Variants in SNED1 observed in about 807,000 individuals in gnomAD.
SNED1 encodes the protein sushi, nidogen and EGF like domains 1.
SNED1 carries 81 observed loss-of-function variants against 166.7 expected under a neutral mutation model. That is an observed-to-expected ratio of 0.49 (90% CI 0.41 to 0.58). The LOEUF is 0.58. SNED1 is among the 20% of genes least tolerant of loss of function. SNED1 has a pLI of 0.00. For missense variants in SNED1, 1,604 were observed against 2,000.2 expected (o/e 0.80, Z 3.78); for synonymous variants, 762 against 822.0 (o/e 0.93, Z 1.25).
chr2:241,083,321 G>T (rs77869830), intron 29 of SNED1, among the ~76,000 whole-genome samples: 1,878 of 152,256 alleles, frequency 0.012, 138 homozygotes, highest in Admixed American at 0.1. Context: ...AGTGGTGAGA[G>T]GTGAGGGACA....
rs1344540403 is a variant in SNED1, at chr2:241,040,114, G to T, written c.1085G>T (p.Gly362Val). 6.3e-7 allele frequency: 1 copy of T among 1,599,684 alleles called. No homozygotes were observed. ...GACACCAAAGAGTGTCAACATGGTGGCCAGTGCCAGGTGGAGAATGGCTCT... is the reference window on the plus strand; with the variant it reads ...GACACCAAAGAGTGTCAACATGGTGTCCAGTGCCAGGTGGAGAATGGCTCT... ...PCDTKECQHG[G>V]QCQVENGSAV... is the part of the protein sequence containing the mutation. Residue 362 changes from glycine (G) to valine (V), a missense_variant, in exon 7 of 32, where the codon GGC becomes GTC. Transcript: ENST00000310397.
intron 2 of SNED1, among the ~76,000 whole-genome samples, chr2:241,032,568 G>A (rs2061220139): frequency 6.6e-6 from 1 of 151,976 alleles, no homozygotes; most frequent in Non-Finnish European, 1.5e-5. Flanking sequence ...ACACCAACAT[G>A]GCACATGTAT....
rs373759751 is a variant in SNED1, at chr2:241,088,397, C to G, written c.4238C>G (p.Ser1413Cys). The G allele has an allele frequency of 1.9e-6, 3 of 1,611,892 alleles. No individual in the cohort carries two copies. Among genetic ancestry groups the G allele is most frequent in the Non-Finnish European group, 2.5e-6 (3 of 1,177,994 alleles). The change falls in exon 31 of 32, where the codon TCT becomes TGT. Residue 1413 changes from serine to cysteine, a missense_variant. By Grantham distance (112) the Ser-to-Cys change is moderately radical. Transcript: ENST00000310397. The stretch of plus-strand genomic sequence containing the variant: ...AGTAAGAGTCAGACACTGGAGAAAT[C>G]TTAAGGTACGTCCCTGCTGCTCCCG... ...KQSKSQTLEKS is the reference protein window; with the variant it reads ...KQSKSQTLEKC
At chr2:241,060,681 GCC>G (rs1372556783) in intron 16 of SNED1, among the ~76,000 whole-genome samples, 1 of 152,092 alleles carries the variant, frequency 6.6e-6, no homozygotes, top group Non-Finnish European at 1.5e-5. Context: ...CATGGCTCAT[GCC>G]TATAATCCCA....
At chr2:241,052,223 G>C in intron 14 of SNED1, 66 bp downstream of exon 14, 2 of 1,502,418 alleles carry the variant, frequency 1.3e-6, no homozygotes, top group East Asian at 2.3e-5. Context: ...TGTGAAAACA[G>C]GCCCATGGGC....
intron 27 of SNED1, among the ~76,000 whole-genome samples, chr2:241,076,906 C>T (rs542431198): frequency 2.2e-4 from 34 of 152,184 alleles, no homozygotes; most frequent in South Asian, 1.7e-3. Flanking sequence ...GGTGAAACCC[C>T]GTCTCTACTA....
In SNED1 at chr2:241,069,384, T is replaced by C. The variant is rs1020807117; in HGVS notation, c.3307+361T>C. ...GCCCCCTCTAGCTAAGCTCCCTAAG[T>C]TCCTGGTGTCACTAGGCCCACACCC... On this transcript the variant is annotated intron_variant, in intron 23 of 31. Coordinates refer to ENST00000310397, the MANE Select transcript of SNED1 (RefSeq NM_001080437.3). This position sits in a 1 kb window ranked among gnomAD's most constrained non-coding sequence, Gnocchi z 4.9. Among the ~76,000 whole-genome samples, 1 of 152,114 alleles carries C rather than the reference T, an allele frequency of 6.6e-6. No individual in the cohort carries two copies. The highest frequency in any genetic ancestry group is 2.4e-5 in the African/African-American group (1 of 41,442).
Position 241,068,862 on chromosome 2 carries a change from C to A in SNED1, c.3195-49C>A. 1 of 1,326,418 alleles carries A rather than the reference C, an allele frequency of 7.5e-7. No homozygotes were observed. Among genetic ancestry groups the A allele is most frequent in the Non-Finnish European group, 1.0e-6 (1 of 954,858 alleles). 82.2% of individuals were successfully genotyped at this position (1,326,418 alleles called of 1,614,324 possible). A position where few individuals can be genotyped will look rare whatever the true frequency, so the allele number is the denominator to read the frequency against. ...GCTGCGGTCTGGCAGCAGAGTCACA[C>A]ACAGGTCCCAGACATCCCTGTTCTC... On this transcript the variant is annotated intron_variant, in intron 22 of 31. Coordinates refer to ENST00000310397, the MANE Select transcript of SNED1 (RefSeq NM_001080437.3). The surrounding 1 kb of genome is among the most constrained non-coding windows in gnomAD (Gnocchi z 5.3).
rs186810824 is a variant in SNED1, at chr2:241,070,831, C to T, written c.3589+630C>T. On this transcript the variant is annotated intron_variant, in intron 24 of 31. Transcript: ENST00000310397. ...GCAGAACAGGGAGAGAAGAAAGAGA[C>T]GGAGACAAGCAGGGAGGAGAGGCCA... Among the ~76,000 whole-genome samples the T allele has an allele frequency of 5.9e-5, 9 of 152,296 alleles. No homozygotes were observed. The East Asian group carries it at 9.7e-4, about 16-fold the overall frequency.
intron 16 of SNED1, among the ~76,000 whole-genome samples, chr2:241,056,557 A>T (rs994921654): frequency 2.0e-5 from 3 of 150,826 alleles, no homozygotes; most frequent in African/African-American, 7.3e-5. Context: ...TTAAAAATGA[A>T]TTAGGAATTC....
intron 29 of SNED1, chr2:241,087,049 C>T (rs2063617401): frequency 4.6e-6 from 1 of 218,748 alleles, no homozygotes. Flanking sequence ...GAGGCCATAC[C>T]TTCCCCAGGC....
At position 241,033,715 on chromosome 2, in the gene SNED1, C is replaced by G. The variant is rs1242429360; in HGVS notation, c.502-20C>G. 3 of 1,605,730 alleles carry G rather than the reference C, an allele frequency of 1.9e-6. No homozygotes were observed. The highest frequency in any genetic ancestry group is 2.7e-5 in the African/African-American group (2 of 74,854). ...GCCAAGGGGAGTGCAGGGCCCTGTT[C>G]AGCCCCCTCTCCCCGGCAGGTCAAC... On this transcript the variant is annotated intron_variant, in intron 2 of 31. Transcript: ENST00000310397.
At chr2:241,035,244 G>A (rs1359223038) in intron 4 of SNED1, among the ~76,000 whole-genome samples, 1 of 152,100 alleles carries the variant, frequency 6.6e-6, no homozygotes, top group African/African-American at 2.4e-5. Flanking sequence ...TTGCCAGCGG[G>A]CTTGCTGCTT....
rs765185085 is a variant in SNED1, at chr2:241,013,725, C to T, written c.213+14675C>T. Among the ~76,000 whole-genome samples, 5 of 152,158 alleles carry T rather than the reference C, an allele frequency of 3.3e-5. No individual in the cohort carries two copies. The highest frequency in any genetic ancestry group is 5.9e-5 in the Non-Finnish European group (4 of 68,036). On this transcript the variant is annotated intron_variant, in intron 1 of 31. Coordinates refer to ENST00000310397, the MANE Select transcript of SNED1 (RefSeq NM_001080437.3). The surrounding 1 kb of genome is among the most constrained non-coding windows in gnomAD (Gnocchi z 4.6). ...GAGCATAATGTCCTTCAGTTTCATCCATGTTGTTGCAAATGGCAGGATCCC... is the reference window on the plus strand; with the variant it reads ...GAGCATAATGTCCTTCAGTTTCATCTATGTTGTTGCAAATGGCAGGATCCC...
At chr2:241,012,288 C>T (rs1435259670) in intron 1 of SNED1, among the ~76,000 whole-genome samples, 1 of 152,122 alleles carries the variant, frequency 6.6e-6, no homozygotes, top group Non-Finnish European at 1.5e-5. Context: ...CTCTTTTTTC[C>T]AAAACACATG....
chr2:241,058,866 T>A (rs1575015949), intron 16 of SNED1, among the ~76,000 whole-genome samples: 1 of 151,818 alleles, frequency 6.6e-6, no homozygotes, highest in East Asian at 1.9e-4. Flanking sequence ...AGGAGAATGG[T>A]GTGAACCTGG....
chr2:241,036,261 G>C (rs1395677349), intron 4 of SNED1, among the ~76,000 whole-genome samples: 1 of 151,900 alleles, frequency 6.6e-6, no homozygotes, highest in Non-Finnish European at 1.5e-5. Context: ...ACTGGGGCAC[G>C]AACAGGCCCC....
intron 8 of SNED1, 133 bp from the exon 9 acceptor site, chr2:241,048,182 A>G: frequency 9.2e-7 from 1 of 1,083,104 alleles, no homozygotes; most frequent in Non-Finnish European, 1.3e-6. Flanking sequence ...TTCCAGAAAT[A>G]AGCTTCTGGC....
chr2:241,062,429 T>TGG (rs1371938256), intron 16 of SNED1, among the ~76,000 whole-genome samples: 1 of 152,258 alleles, frequency 6.6e-6, no homozygotes, highest in Non-Finnish European at 1.5e-5. Context: ...CCAGATGGAC[T>TGG]GGTTTCACAG....
Sources: allele counts gnomAD v4.1 joint callset (sites outside exome capture counted in the v4.1 genomes callset), GRCh38; gene constraint gnomAD v4.1.1; non-coding constraint Gnocchi (gnomAD v3.1); transcripts MANE v1.5; gene names NCBI Gene and HGNC (gene_info 2026-07-23, HGNC 2026-07-21).